The following HAS1 variants were observed in gnomAD, a reference collection of about 807,000 sequenced individuals.
The protein encoded by HAS1 is HA synthase 1.
In HAS1, 27 loss-of-function variants were observed where a neutral mutation model predicts 35.0. That is an observed-to-expected ratio of 0.77 (90% CI 0.57 to 1.06). HAS1 has a LOEUF of 1.06. Among genes scored for constraint, HAS1 ranks in the 50% least tolerant of loss-of-function variants. The pLI, the probability that HAS1 is intolerant of heterozygous loss-of-function variation, is 0.00. For missense variants in HAS1, 940 were observed against 814.8 expected, an observed-to-expected ratio of 1.15 and a Z score of -1.87; for synonymous variants, 409 against 371.2, an observed-to-expected ratio of 1.10 and a Z score of -1.17.
intron 3 of HAS1, 89 bp from the exon 4 acceptor site, chr19:51,716,477 A>G: frequency 9.0e-7 from 1 of 1,105,948 alleles, no homozygotes; most frequent in Non-Finnish European, 1.3e-6. Context: ...CCCCATCTCC[A>G]GTTCCAACCC....
chr19:51,722,464 C>T (rs1027132563), intron 1 of HAS1, among the ~76,000 whole-genome samples: 1 of 152,130 alleles, frequency 6.6e-6, no homozygotes, highest in African/African-American at 2.4e-5. Flanking sequence ...TAAAATAGCT[C>T]ATTAACATTT....
Position 51,717,161 on chromosome 19 carries a change from C to T in HAS1, c.732G>A (p.Met244Ile). 1 of 1,613,528 alleles carries T rather than the reference C, an allele frequency of 6.2e-7. No homozygotes were observed. Among genetic ancestry groups the T allele is most frequent in the Non-Finnish European group, 8.5e-7 (1 of 1,179,738 alleles). ...VCDSDTRLDP[M>I]ALLELVRVLD... ...GTACCCGCACGAGCTCCAGCAGTGC[C>T]ATGGGGTCCAACCTTGTGTCCGAGT... Residue 244 changes from methionine (M) to isoleucine (I), a missense_variant, in exon 3 of 5, where the codon ATG becomes ATA. Physicochemically the swap from Met to Ile is conservative, Grantham distance 10. Coordinates refer to ENST00000540069, the MANE Select transcript of HAS1 (RefSeq NM_001297436.2).
In HAS1 at chr19:51,721,035, C is replaced by T. The variant is rs544770269; in HGVS notation, c.10-1140G>A. On this transcript the variant is annotated intron_variant, in intron 1 of 4. Coordinates refer to ENST00000540069, the MANE Select transcript of HAS1 (RefSeq NM_001297436.2). The stretch of plus-strand genomic sequence containing the variant: ...GAATTTATTTTAATCTTTACAACAG[C>T]GCTGTAAGGTAGGTACTGTTATTAT... 4.6e-5 allele frequency among the ~76,000 whole-genome samples: 7 copies of T among 152,236 alleles called. No homozygotes were observed. The South Asian group carries it at 8.3e-4, about 18-fold the overall frequency.
At chr19:51,718,054 A>G (rs569898041) in intron 2 of HAS1, 59 of 166,108 alleles carry the variant, frequency 3.6e-4, no homozygotes, top group African/African-American at 1.2e-3. Context: ...CCTAGCCAAC[A>G]TGGTGAAACC....
In HAS1 at chr19:51,716,317, A is replaced by G; in HGVS notation, c.997T>C (p.Cys333Arg). 6.2e-7 allele frequency: 1 copy of G among 1,613,676 alleles called. No homozygotes were observed. The highest frequency in any genetic ancestry group is 8.5e-7 in the Non-Finnish European group (1 of 1,179,614). ...WYNQKFLGTH[C>R]TFGDDRHLTN... Reference sequence around the variant, plus strand: ...AGGTGCCGGTCATCCCCAAAAGTACAGTGGGTACCCAGGAACTTCTGGTTG... The same window carrying G: ...AGGTGCCGGTCATCCCCAAAAGTACGGTGGGTACCCAGGAACTTCTGGTTG... The change falls in exon 4 of 5, where the codon TGT becomes CGT. Residue 333 changes from cysteine (C) to arginine (R), a missense_variant. Coordinates refer to ENST00000540069, the MANE Select transcript of HAS1 (RefSeq NM_001297436.2).
rs753097128 is a variant in HAS1, at chr19:51,719,288, C to G, written c.617G>C (p.Cys206Ser). Residue 206 changes from cysteine (C) to serine (S), a missense_variant, in exon 2 of 5, where the codon TGC (cysteine) becomes TCC (serine). Coordinates refer to ENST00000540069, the MANE Select transcript of HAS1 (RefSeq NM_001297436.2). ...EALVRTRRCVCVAQRWGGKRE... is the reference protein window; with the variant it reads ...EALVRTRRCVSVAQRWGGKRE... ...CTTGCCGCCCCAGCGCTGCGCCACG[C>G]ACACGCACCTGCGAGTCCTCACCAG... is the stretch of plus-strand genomic sequence containing the variant. 6.2e-7 allele frequency: 1 copy of G among 1,612,142 alleles called. No individual in the cohort carries two copies. The highest frequency in any genetic ancestry group is 1.7e-5 in the Admixed American group (1 of 59,918).
Position 51,713,848 on chromosome 19 carries a change from T to C in HAS1, c.1313A>G (p.Gln438Arg), listed in dbSNP as rs1555794096. ...GGCCGCCTTGGCCAGTGCCACGCCC[T>C]GCACGCACAGCAGCACCCACAGCAG... ...WALLWVLLCV[Q>R]GVALAKAAFA... Residue 438 changes from glutamine (Q) to arginine (R), a missense_variant, in exon 5 of 5, where the codon CAG (glutamine) becomes CGG (arginine). Gln to Arg is a conservative substitution (Grantham distance 43). Transcript: ENST00000540069. The surrounding 1 kb of genome is among the most constrained non-coding windows in gnomAD (Gnocchi z 4.5). 1.2e-6 allele frequency: 2 copies of C among 1,607,284 alleles called. No individual in the cohort carries two copies. Among genetic ancestry groups the C allele is most frequent in the East Asian group, 2.2e-5 (1 of 44,852 alleles).
At chr19:51,717,566 G>A (rs931040455) in intron 2 of HAS1, among the ~76,000 whole-genome samples, 1 of 152,178 alleles carries the variant, frequency 6.6e-6, no homozygotes, top group Non-Finnish European at 1.5e-5. Flanking sequence ...TTGACTATAA[G>A]TTAATCAAAA....
In HAS1 at chr19:51,719,728, C is replaced by G. The variant is rs752629980; in HGVS notation, c.177G>C (p.Gly59=). Residue 59 remains glycine, a synonymous_variant, in exon 2 of 5, where the codon GGG becomes GGC. Transcript: ENST00000540069. ...RYGLLAFGLY[G]AFLSAHLVAQ... is the part of the protein sequence containing the mutation. ...CCACCAGGTGCGCTGAAAGGAAGGC[C>G]CCGTAGAGGCCGAAGGCCAGGAGGC... is the stretch of plus-strand genomic sequence containing the variant. 6.4e-7 allele frequency: 1 copy of G among 1,568,892 alleles called. No homozygotes were observed. The highest frequency in any genetic ancestry group is 8.6e-7 in the Non-Finnish European group (1 of 1,162,832).
intron 2 of HAS1, among the ~76,000 whole-genome samples, chr19:51,718,933 C>T (rs748104413): frequency 2.0e-5 from 3 of 152,124 alleles, no homozygotes; most frequent in Non-Finnish European, 2.9e-5. Flanking sequence ...GAAATTGTCT[C>T]TTCCTGGAAT....
Position 51,713,355 on chromosome 19 carries a change from G to A in HAS1, c.*72C>T. ...GCCCAGAGAACCACCCAGCAAGTTC[G>A]TGGCTCGGGGCCCAGCAGCTCTCCT... On this transcript the variant is annotated 3_prime_UTR_variant, in exon 5 of 5. Transcript: ENST00000540069. This position sits in a 1 kb window ranked among gnomAD's most constrained non-coding sequence, Gnocchi z 4.5. 7.2e-7 allele frequency: 1 copy of A among 1,379,902 alleles called. No homozygotes were observed. 85.5% of individuals were successfully genotyped at this position (1,379,902 alleles called of 1,614,324 possible).
In HAS1 at chr19:51,716,340, T is replaced by C. The variant is rs2083586515; in HGVS notation, c.974A>G (p.Asn325Ser). Residue 325 changes from asparagine (N) to serine (S), a missense_variant, in exon 4 of 5, where the codon AAC becomes AGC. Asn to Ser is a conservative substitution (Grantham distance 46). Transcript: ENST00000540069. ...ACAGTGGGTACCCAGGAACTTCTGG[T>C]TGTACCAGGCCTCAAGAAACTGCTG... The part of the protein sequence containing the change: ...LLQQFLEAWY[N>S]QKFLGTHCTF... 3 of 1,613,488 alleles carry C rather than the reference T, an allele frequency of 1.9e-6. No homozygotes were observed. The highest frequency in any genetic ancestry group is 3.3e-5 in the Admixed American group (2 of 59,976).
chr19:51,723,884 T>TACATACACACACACAC, intron 1 of HAS1, 41 bp downstream of exon 1: 1 of 1,227,612 alleles, frequency 8.1e-7, no homozygotes, highest in Non-Finnish European at 1.1e-6. Context: ...CATGGCTGTA[T>TACATACACACACACAC]ACACACACAC....
Position 51,719,559 on chromosome 19 carries a change from A to T in HAS1, c.346T>A (p.Ser116Thr). ...DPAYLRQCLA[S>T]ARALLYPRAR... ...CGCGGGTACAGCAGGGCGCGGGCGG[A>T]CGCCAGGCACTGGCGCAGGTACGCG... is the stretch of plus-strand genomic sequence containing the variant. The change falls in exon 2 of 5, where the codon TCC becomes ACC. Residue 116 changes from serine to threonine, a missense_variant. Coordinates refer to ENST00000540069, the MANE Select transcript of HAS1 (RefSeq NM_001297436.2). 6.5e-7 allele frequency: 1 copy of T among 1,545,674 alleles called. No individual in the cohort carries two copies. The highest frequency in any genetic ancestry group is 8.7e-7 in the Non-Finnish European group (1 of 1,144,866).
rs770886288 is a variant in HAS1, at chr19:51,713,667, G to C, written c.1494C>G (p.Asn498Lys). ...GCGCCAGGGGCAGCAGAGGGACGTAGTTAGCGGCCAGCTTCCGCCGGCCCG... is the reference window on the plus strand; with the variant it reads ...GCGCCAGGGGCAGCAGAGGGACGTACTTAGCGGCCAGCTTCCGCCGGCCCG... ...GTSGRRKLAA[N>K]YVPLLPLALW... is the part of the protein sequence containing the mutation. The change falls in exon 5 of 5, where the codon AAC (asparagine) becomes AAG (lysine). Residue 498 changes from asparagine to lysine, a missense_variant. Physicochemically the swap from Asn to Lys is moderately conservative, Grantham distance 94 (BLOSUM62 0). Transcript: ENST00000540069. The surrounding 1 kb of genome is among the most constrained non-coding windows in gnomAD (Gnocchi z 4.5). 9 of 1,582,860 alleles carry C rather than the reference G, an allele frequency of 5.7e-6. No homozygotes were observed. The Admixed American group carries it at 1.6e-4, about 29-fold the overall frequency.
intron 3 of HAS1, 22 bp from the exon 4 acceptor site, chr19:51,716,410 A>C (rs1474941302): frequency 6.3e-7 from 1 of 1,598,084 alleles, no homozygotes; most frequent in Non-Finnish European, 8.5e-7. Flanking sequence ...GGAGGTGTGA[A>C]AGAGTGTCAG....
At chr19:51,721,895 A>G (rs919886440) in intron 1 of HAS1, among the ~76,000 whole-genome samples, 5 of 152,122 alleles carry the variant, frequency 3.3e-5, no homozygotes, top group African/African-American at 9.7e-5. Flanking sequence ...GAGCTACTGC[A>G]CCCGGTCTCT....
In HAS1 at chr19:51,723,937, AG is replaced by A. The variant is rs1369735218; in HGVS notation, c.-5del. The A allele has an allele frequency of 2.7e-6, 4 of 1,508,134 alleles. No individual in the cohort carries two copies. Among genetic ancestry groups the A allele is most frequent in the Admixed American group, 4.1e-5 (2 of 48,758 alleles). The allele number at this position is 1,508,134 out of a possible 1,614,324, so 93.4% of individuals were successfully genotyped here. A position where few individuals can be genotyped will look rare whatever the true frequency, so the allele number is the denominator to read the frequency against. ...CACACACACACACCTGTCTCATCGC[AG>A]TGGGTCTGGCCGGGCTCTCTCTTCT... On this transcript the variant is annotated 5_prime_UTR_variant, in exon 1 of 5. In the 5' UTR this introduces an upstream ATG that the reference lacks. Transcript: ENST00000540069.
chr19:51,713,520 G>T lies in HAS1; in HGVS notation c.1641C>A (p.Tyr547Ter). The T allele has an allele frequency of 2.5e-6, 4 of 1,603,022 alleles. No individual in the cohort carries two copies. The highest frequency in any genetic ancestry group is 3.4e-6 in the Non-Finnish European group (4 of 1,175,656). The change falls in exon 5 of 5, where the codon TAC (tyrosine) becomes TAA (stop). Residue 547 changes from tyrosine to a stop codon, truncating the protein, a stop_gained. Coordinates refer to ENST00000540069, the MANE Select transcript of HAS1 (RefSeq NM_001297436.2). LOFTEE classifies it low-confidence loss of function (END_TRUNC). This position sits in a 1 kb window ranked among gnomAD's most constrained non-coding sequence, Gnocchi z 4.5. ...TCAACATGGCCACCCAGTAGCCCAC[G>T]TAGGCGCCGGCCCCCGCGGCCAAGT... is the stretch of plus-strand genomic sequence containing the variant. ...AYHLAAGAGA[Y>*]VGYWVAMLTL...
Sources: allele counts gnomAD v4.1 joint callset (sites outside exome capture counted in the v4.1 genomes callset), GRCh38; gene constraint gnomAD v4.1.1; non-coding constraint Gnocchi (gnomAD v3.1); transcripts MANE v1.5; gene names NCBI Gene and HGNC (gene_info 2026-07-23, HGNC 2026-07-21).